Variants in ARHGAP10 observed in about 807,000 individuals in gnomAD.
ARHGAP10 encodes Rho GTPase activating protein 10.
In ARHGAP10, 87 loss-of-function variants were observed where a neutral mutation model predicts 108.6. The ratio of observed to expected loss-of-function variants is 0.80; its 90% CI spans 0.67 to 0.96. The LOEUF is 0.96. Among genes scored for constraint, ARHGAP10 ranks in the 40% least tolerant of loss-of-function variants. The pLI is 0.00. For synonymous variants in ARHGAP10, 347 were observed against 341.1 expected, an observed-to-expected ratio of 1.02 and a Z score of -0.19; for missense variants, 939 against 954.5, an observed-to-expected ratio of 0.98 and a Z score of 0.21.
At chr4:148,068,724 T>TC (rs1730015616) in intron 22 of ARHGAP10, among the ~76,000 whole-genome samples, 1 of 152,188 alleles carries the variant, frequency 6.6e-6, no homozygotes, top group Non-Finnish European at 1.5e-5. Flanking sequence ...GGACGCAGCC[T>TC]CCCTGTGGGT....
chr4:148,039,238 C>T lies in ARHGAP10; in HGVS notation c.1868-7654C>T, dbSNP rs542347023. Reference sequence around the variant, plus strand: ...TGAGAGTGTTATCAGTATAGTTCTTCGTGTGGCCATCCTTTGGGGATTTTT... The same window carrying T: ...TGAGAGTGTTATCAGTATAGTTCTTTGTGTGGCCATCCTTTGGGGATTTTT... On this transcript the variant is annotated intron_variant, in intron 19 of 22. Coordinates refer to ENST00000336498, the MANE Select transcript of ARHGAP10 (RefSeq NM_024605.4). Among the ~76,000 whole-genome samples the T allele has an allele frequency of 2.3e-3, 355 of 152,008 alleles. 1 individual carries two copies. The highest frequency in any genetic ancestry group is 3.2e-3 in the Non-Finnish European group (216 of 67,966).
chr4:147,910,742 C>G (rs1460196985), intron 12 of ARHGAP10, among the ~76,000 whole-genome samples: 1 of 152,050 alleles, frequency 6.6e-6, no homozygotes, highest in Non-Finnish European at 1.5e-5. Context: ...TTACTTTTGA[C>G]ATATTTGGAA....
intron 1 of ARHGAP10, among the ~76,000 whole-genome samples, chr4:147,781,041 G>A (rs1418054928): frequency 3.3e-5 from 5 of 152,288 alleles, no homozygotes; most frequent in African/African-American, 1.2e-4. Context: ...GATTTAGGGA[G>A]TAACTGTTAG....
intron 1 of ARHGAP10, among the ~76,000 whole-genome samples, chr4:147,773,758 C>A (rs528997842): frequency 3.3e-5 from 5 of 152,188 alleles, no homozygotes; most frequent in Non-Finnish European, 7.3e-5. Context: ...ATTCTTGATT[C>A]TCTACCTTGG....
At chr4:148,026,775 C>T (rs1388591761) in intron 19 of ARHGAP10, among the ~76,000 whole-genome samples, 2 of 152,058 alleles carry the variant, frequency 1.3e-5, no homozygotes, top group Non-Finnish European at 2.9e-5. Context: ...GTAGATTTGG[C>T]TAAGTCAGTT....
At chr4:147,756,461 T>G in intron 1 of ARHGAP10, among the ~76,000 whole-genome samples, 1 of 152,362 alleles carries the variant, frequency 6.6e-6, no homozygotes, top group Middle Eastern at 3.4e-3. Flanking sequence ...GCACTGTTAG[T>G]ATGAACTATA....
chr4:148,071,299 C>T (rs894749743), intron 22 of ARHGAP10, among the ~76,000 whole-genome samples: 26 of 152,200 alleles, frequency 1.7e-4, no homozygotes, highest in African/African-American at 6.3e-4. Context: ...TGCCCAGGGG[C>T]CTGTGTTACA....
chr4:147,966,130 C>G (rs986498421), intron 17 of ARHGAP10, among the ~76,000 whole-genome samples: 3 of 152,190 alleles, frequency 2.0e-5, no homozygotes, highest in Non-Finnish European at 4.4e-5. Context: ...GCTACGCAGT[C>G]TAGTATTCCT....
chr4:147,778,934 G>A (rs1427971466), intron 1 of ARHGAP10, among the ~76,000 whole-genome samples: 1 of 152,122 alleles, frequency 6.6e-6, no homozygotes, highest in African/African-American at 2.4e-5. Context: ...GGTAGGTGGC[G>A]GGGAGGAAGC....
chr4:147,835,718 G>A (rs1733145068), intron 3 of ARHGAP10, among the ~76,000 whole-genome samples: 1 of 152,126 alleles, frequency 6.6e-6, no homozygotes, highest in African/African-American at 2.4e-5. Flanking sequence ...TAGTATGCAC[G>A]AGGTTCCATT....
intron 11 of ARHGAP10, 80 bp from the exon 12 acceptor site, chr4:147,909,652 G>A (rs1736652983): frequency 1.7e-6 from 2 of 1,155,710 alleles, no homozygotes; most frequent in Non-Finnish European, 2.5e-6. Flanking sequence ...ATTTTTTTTT[G>A]TATGGTCCTC....
At chr4:147,904,307 G>A (rs1361433610) in intron 10 of ARHGAP10, among the ~76,000 whole-genome samples, 1 of 151,878 alleles carries the variant, frequency 6.6e-6, no homozygotes, top group Non-Finnish European at 1.5e-5. Context: ...ATGTATACAC[G>A]TGCCATGCTG....
At position 147,790,300 on chromosome 4, in the gene ARHGAP10, C is replaced by G. The variant is rs183510378; in HGVS notation, c.155-32427C>G. 4.0e-3 allele frequency among the ~76,000 whole-genome samples: 603 copies of G among 152,236 alleles called. 2 individuals are homozygous for G. The highest frequency in any genetic ancestry group is 7.1e-3 in the Non-Finnish European group (481 of 68,022). ...CTTCACCTTTGTGACCTCATCTAAA[C>G]TTAATCAACTCCCAGAGGTGCCACC... On this transcript the variant is annotated intron_variant, in intron 1 of 22. Coordinates refer to ENST00000336498, the MANE Select transcript of ARHGAP10 (RefSeq NM_024605.4).
At chr4:147,963,596 T>C (rs1423473774) in intron 16 of ARHGAP10, among the ~76,000 whole-genome samples, 1 of 152,138 alleles carries the variant, frequency 6.6e-6, no homozygotes, top group Non-Finnish European at 1.5e-5. Context: ...AATTCCAAAG[T>C]TTGGGGGTTA....
intron 1 of ARHGAP10, among the ~76,000 whole-genome samples, chr4:147,768,904 A>T: frequency 6.6e-6 from 1 of 152,034 alleles, no homozygotes; most frequent in East Asian, 1.9e-4. Flanking sequence ...ATACCTGGCT[A>T]ATTTTGTATT....
chr4:147,883,623 G>C (rs1368810761), intron 10 of ARHGAP10, among the ~76,000 whole-genome samples: 1 of 152,192 alleles, frequency 6.6e-6, no homozygotes, highest in East Asian at 1.9e-4. Flanking sequence ...CACGTAGCTA[G>C]TGGGTAGTTG....
chr4:147,752,037 C>T (rs1729174187), intron 1 of ARHGAP10, among the ~76,000 whole-genome samples: 1 of 151,962 alleles, frequency 6.6e-6, no homozygotes, highest in South Asian at 2.1e-4. Context: ...AGGCGTGCGC[C>T]ACCACACCCA....
intron 1 of ARHGAP10, among the ~76,000 whole-genome samples, chr4:147,784,585 TTATAAA>T (rs1250224946): frequency 6.1e-5 from 7 of 113,828 alleles, no homozygotes; most frequent in African/African-American, 2.2e-4. Flanking sequence ...AAAATATATA[TTATAAA>T]TATATATTAT....
At chr4:147,911,993 ACGTGTGTGTGTGTGTG>A (rs1278887558) in intron 12 of ARHGAP10, among the ~76,000 whole-genome samples, 9 of 108,640 alleles carry the variant, frequency 8.3e-5, no homozygotes, top group African/African-American at 3.9e-4. Context: ...AAGAACATTC[ACGTGTGTGTGTGTGTG>A]TGTGTGTGTG....
Sources: allele counts gnomAD v4.1 joint callset (sites outside exome capture counted in the v4.1 genomes callset), GRCh38; gene constraint gnomAD v4.1.1; transcripts MANE v1.5; gene names NCBI Gene and HGNC (gene_info 2026-07-23, HGNC 2026-07-21).